Variants in RANBP10 observed in about 807,000 individuals in gnomAD.
RANBP10 encodes ran-binding protein 10.
Under a neutral mutation model 72.8 loss-of-function variants are expected in RANBP10, and 24 were observed. The ratio of observed to expected loss-of-function variants is 0.33; its 90% CI spans 0.24 to 0.46. The LOEUF is 0.46. RANBP10 is among the 20% of genes least tolerant of loss of function. RANBP10 has a pLI of 1.00. For missense variants in RANBP10, 679 were observed against 817.5 expected (o/e 0.83, Z 2.07); for synonymous variants, 310 against 322.3 (o/e 0.96, Z 0.41).
intron 3 of RANBP10, among the ~76,000 whole-genome samples, chr16:67,754,689 A>C (rs1448981971): frequency 6.6e-6 from 1 of 152,222 alleles, no homozygotes; most frequent in Non-Finnish European, 1.5e-5. Flanking sequence ...ATCCTCACAC[A>C]GGCAGACTGG....
chr16:67,755,424 C>A (rs2054268745), intron 3 of RANBP10, among the ~76,000 whole-genome samples: 1 of 152,110 alleles, frequency 6.6e-6, no homozygotes, highest in Non-Finnish European at 1.5e-5. Context: ...TGGCTCACAC[C>A]TGTAATCCCA....
In RANBP10 at chr16:67,727,450, G is replaced by A. The variant is rs564067760; in HGVS notation, c.1621-12C>T. ...AGGCTGAAGGCATCCTACAGGACAG[G>A]GCATTCTTGAGAGGACTGTGGCACA... On this transcript the variant is annotated splice_polypyrimidine_tract_variant and intron_variant, in intron 12 of 13. Coordinates refer to ENST00000317506, the MANE Select transcript of RANBP10 (RefSeq NM_020850.3). The A allele has an allele frequency of 2.5e-6, 4 of 1,609,334 alleles. No individual in the cohort carries two copies. The highest frequency in any genetic ancestry group is 4.5e-5 in the East Asian group (2 of 44,720).
intron 2 of RANBP10, among the ~76,000 whole-genome samples, chr16:67,785,583 C>G (rs911534618): frequency 2.0e-5 from 3 of 151,510 alleles, no homozygotes; most frequent in Non-Finnish European, 4.4e-5. Flanking sequence ...CAAAAATTAG[C>G]CAGGTATGGT....
chr16:67,791,987 G>C (rs1319887839), intron 2 of RANBP10, among the ~76,000 whole-genome samples: 1 of 151,046 alleles, frequency 6.6e-6, no homozygotes, highest in Non-Finnish European at 1.5e-5. Flanking sequence ...TGAGGCTGCA[G>C]TGAGTTATGA....
At chr16:67,786,150 A>G (rs1470902373) in intron 2 of RANBP10, among the ~76,000 whole-genome samples, 3 of 151,796 alleles carry the variant, frequency 2.0e-5, no homozygotes, top group African/African-American at 7.3e-5. Flanking sequence ...GCAACATGGC[A>G]AGACCCCATC....
In RANBP10 at chr16:67,726,437, G is replaced by A; in HGVS notation, c.1854C>T (p.Tyr618=). 2 of 1,612,754 alleles carry A rather than the reference G, an allele frequency of 1.2e-6. No individual in the cohort carries two copies. The highest frequency in any genetic ancestry group is 1.7e-6 in the Non-Finnish European group (2 of 1,179,540). Residue 618 remains tyrosine (Y), a synonymous_variant, in exon 14 of 14, where the codon TAC becomes TAT. Coordinates refer to ENST00000317506, the MANE Select transcript of RANBP10 (RefSeq NM_020850.3). ...GSCSFARVDD[Y]LH The stretch of plus-strand genomic sequence containing the variant: ...CAGCCAGCACAGTCAGCTAGTGCAA[G>A]TAGTCATCAACTCTGGCAAAGGAGC...
At position 67,793,527 on chromosome 16, in the gene RANBP10, G is replaced by T. The variant is rs148924647; in HGVS notation, c.347+11901C>A. Among the ~76,000 whole-genome samples the T allele has an allele frequency of 8.5e-3, 1,297 of 151,958 alleles. 6 individuals are homozygous for T. The highest frequency in any genetic ancestry group is 0.022 in the African/African-American group (929 of 41,436). On this transcript the variant is annotated intron_variant, in intron 2 of 13. Coordinates refer to ENST00000317506, the MANE Select transcript of RANBP10 (RefSeq NM_020850.3). ...GGGTTTCACCATGTTGGTCACGCTG[G>T]TCTCAAACTCCTAACCTCAGGTGAT...
chr16:67,791,981 G>C (rs2055036271), intron 2 of RANBP10, among the ~76,000 whole-genome samples: 1 of 151,208 alleles, frequency 6.6e-6, no homozygotes, highest in East Asian at 1.9e-4. Context: ...AGAGTTTGAG[G>C]CTGCAGTGAG....
intron 5 of RANBP10, among the ~76,000 whole-genome samples, chr16:67,737,201 T>C (rs1164840661): frequency 7.4e-6 from 1 of 134,822 alleles, no homozygotes; most frequent in Non-Finnish European, 1.6e-5. Context: ...TCTTTTTTTT[T>C]TTTTTTTTTT....
At position 67,726,399 on chromosome 16, in the gene RANBP10, G is replaced by A. The variant is rs892289922; in HGVS notation, c.*29C>T. 1.2e-6 allele frequency: 2 copies of A among 1,610,618 alleles called. No individual in the cohort carries two copies. The highest frequency in any genetic ancestry group is 2.7e-5 in the African/African-American group (2 of 74,876). ...AGCTCCAGCCCTGGGGCCAGTGGAG[G>A]GCCAGCCAGAGCCAGCCAGCACAGT... On this transcript the variant is annotated 3_prime_UTR_variant, in exon 14 of 14. Transcript: ENST00000317506.
At position 67,770,143 on chromosome 16, in the gene RANBP10, C is replaced by T. The variant is rs571498084; in HGVS notation, c.400+1891G>A. ...CAGTGCAAAAGTTGAAAGAGCACAC[C>T]TAGAACAAACAAACAAAATTAAGAA... is the stretch of plus-strand genomic sequence containing the variant. On this transcript the variant is annotated intron_variant, in intron 3 of 13. Coordinates refer to ENST00000317506, the MANE Select transcript of RANBP10 (RefSeq NM_020850.3). Among the ~76,000 whole-genome samples, 3 of 152,110 alleles carry T rather than the reference C, an allele frequency of 2.0e-5. No individual in the cohort carries two copies. The East Asian group carries it at 5.8e-4, about 29-fold the overall frequency.
intron 3 of RANBP10, among the ~76,000 whole-genome samples, chr16:67,753,768 A>G (rs1015364998): frequency 6.6e-6 from 1 of 152,126 alleles, no homozygotes; most frequent in Non-Finnish European, 1.5e-5. Context: ...GGGTGCAGCT[A>G]ATGTGAGAGG....
rs768960411 is a variant in RANBP10, at chr16:67,769,443, C to CAAAAAA, written c.400+2585_400+2590dup. Among the ~76,000 whole-genome samples, 4 of 30,306 alleles carry CAAAAAA rather than the reference C, an allele frequency of 1.3e-4. 1 individual carries two copies. Among genetic ancestry groups the CAAAAAA allele is most frequent in the Non-Finnish European group, 2.2e-4 (4 of 17,866 alleles). 19.9% of individuals were successfully genotyped at this position (30,306 alleles called of 152,430 possible). A position where few individuals can be genotyped will look rare whatever the true frequency, so the allele number is the denominator to read the frequency against. On this transcript the variant is annotated intron_variant, in intron 3 of 13. Transcript: ENST00000317506. ...TGGGAAACGAAGCAAGACCCTGTCT[C>CAAAAAA]AAAAAAAAAAAAAAAAAAAGTGCTG...
chr16:67,726,911 G>A (rs1329087074), intron 13 of RANBP10, among the ~76,000 whole-genome samples: 3 of 152,214 alleles, frequency 2.0e-5, no homozygotes, highest in African/African-American at 7.2e-5. Context: ...CTGCCCCAGT[G>A]TGGATAAACA....
At position 67,737,971 on chromosome 16, in the gene RANBP10, C is replaced by T. The variant is rs776565976; in HGVS notation, c.591+42G>A. The T allele has an allele frequency of 7.0e-6, 11 of 1,564,968 alleles. No individual in the cohort carries two copies. In the East Asian group the frequency reaches 2.6e-4, roughly 37 times the overall value. ...ACCACCGTGCCCCATCCCAGTCAGCCCCCAGAAACCCAGGAGGGGAAGACT... is the reference window on the plus strand; with the variant it reads ...ACCACCGTGCCCCATCCCAGTCAGCTCCCAGAAACCCAGGAGGGGAAGACT... On this transcript the variant is annotated intron_variant, in intron 5 of 13. Coordinates refer to ENST00000317506, the MANE Select transcript of RANBP10 (RefSeq NM_020850.3).
chr16:67,772,609 G>A (rs941317846), intron 2 of RANBP10, among the ~76,000 whole-genome samples: 25 of 152,094 alleles, frequency 1.6e-4, no homozygotes, highest in Admixed American at 1.3e-3. Flanking sequence ...TACCTTCCCC[G>A]CATACATTCA....
intron 2 of RANBP10, among the ~76,000 whole-genome samples, chr16:67,803,079 T>C (rs1412364028): frequency 6.6e-6 from 1 of 152,208 alleles, no homozygotes; most frequent in Non-Finnish European, 1.5e-5. Flanking sequence ...AACATTATTT[T>C]CAAGGTGCTT....
intron 2 of RANBP10, among the ~76,000 whole-genome samples, chr16:67,782,530 C>A (rs956803187): frequency 6.6e-6 from 1 of 152,106 alleles, no homozygotes; most frequent in African/African-American, 2.4e-5. Context: ...TGGCTCACTG[C>A]AACCTCTGCC....
chr16:67,789,005 A>G (rs1410020587), intron 2 of RANBP10, among the ~76,000 whole-genome samples: 2 of 121,546 alleles, frequency 1.6e-5, no homozygotes, highest in East Asian at 2.3e-4. Flanking sequence ...TCAAAAGAGG[A>G]AAAAAAAAAA....
Sources: gnomAD v4.1 joint callset for allele counts (sites outside exome capture counted in the v4.1 genomes callset) on GRCh38, gnomAD v4.1.1 for gene constraint, MANE v1.5 for transcripts, NCBI Gene and HGNC (gene_info 2026-07-23, HGNC 2026-07-21) for gene names.